PCYT1B: variants seen among roughly 807,000 people sequenced by gnomAD.
The protein encoded by PCYT1B is phosphate cytidylyltransferase 1B, choline, also known as choline-phosphate cytidylyltransferase B.
PCYT1B carries 10 observed loss-of-function variants against 26.4 expected under a neutral mutation model. The ratio of observed to expected loss-of-function variants is 0.38; its 90% confidence interval spans 0.23 to 0.64. The LOEUF is 0.64. Ranked by LOEUF, PCYT1B falls within the 30% of genes least tolerant of loss-of-function variation. The pLI is 0.56. For missense variants in PCYT1B, 161 were observed against 292.7 expected, an observed-to-expected ratio of 0.55 and a Z score of 3.28; for synonymous variants, 131 against 108.4, an observed-to-expected ratio of 1.21 and a Z score of -1.29.
chrX:24,606,839 T>A, intron 3 of PCYT1B, among the ~76,000 whole-genome samples: 1 of 106,209 alleles, frequency 9.4e-6, no homozygotes, highest in East Asian at 3.1e-4. Flanking sequence ...TGCACTCCAG[T>A]TGGGCGACAG....
rs1452172285 is a variant in PCYT1B at position 24,562,218 on chromosome X, C to T, written c.*75G>A. Reference sequence around the variant, plus strand: ...GCTCCTGTGACTATTACCCTTCAAACACCACCCAGGCAACCCTGTGACTCT... The same window carrying T: ...GCTCCTGTGACTATTACCCTTCAAATACCACCCAGGCAACCCTGTGACTCT... On this transcript the variant is annotated 3_prime_UTR_variant, in exon 8 of 8. Transcript: ENST00000379144. The T allele has an allele frequency of 1.7e-6, 2 of 1,181,112 alleles. No homozygotes were observed. The highest frequency in any genetic ancestry group is 2.3e-6 in the Non-Finnish European group (2 of 879,891).
chrX:24,646,871 G>T (rs1926644277), intron 1 of PCYT1B, 118 bp downstream of exon 1: 2 of 560,788 alleles, frequency 3.6e-6, no homozygotes, highest in South Asian at 2.8e-5. Context: ...AGGCGGTAGC[G>T]CTCTTCTCAT....
chrX:24,607,335 G>T (rs779045285), intron 3 of PCYT1B, among the ~76,000 whole-genome samples: 79 of 112,522 alleles, frequency 7.0e-4, no homozygotes, highest in Non-Finnish European at 1.3e-3. Flanking sequence ...AGAAATAGAC[G>T]ATGACCTTGT....
chrX:24,585,414 G>A (rs185920427), intron 5 of PCYT1B, among the ~76,000 whole-genome samples: 4 of 111,882 alleles, frequency 3.6e-5, no homozygotes, highest in Non-Finnish European at 5.6e-5. Context: ...ATTTCCTGGG[G>A]ACTCTCTAGA....
intron 1 of PCYT1B, among the ~76,000 whole-genome samples, chrX:24,659,971 G>A (rs978814757): frequency 1.6e-4 from 18 of 111,567 alleles, no homozygotes; most frequent in Admixed American, 1.3e-3. Context: ...TAATAAAGAC[G>A]CTTATCCACT....
intron 1 of PCYT1B, among the ~76,000 whole-genome samples, chrX:24,670,088 G>T (rs1205188308): frequency 2.2e-5 from 2 of 89,196 alleles, no homozygotes; most frequent in Non-Finnish European, 4.4e-5. Flanking sequence ...AAGAAAGAAA[G>T]AAAGAAAGAA....
In PCYT1B at chrX:24,561,406, G is replaced by C. The variant is rs1302918591; in HGVS notation, c.*887C>G. The C allele has an allele frequency of 8.9e-6, 1 of 112,276 alleles. No individual in the cohort carries two copies. The highest frequency in any genetic ancestry group is 1.9e-5 in the Non-Finnish European group (1 of 53,303). The allele number at this position is 112,276 out of a possible 1,213,427, so 9.3% of individuals were successfully genotyped here. A position where few individuals can be genotyped will look rare whatever the true frequency, so the allele number is the denominator to read the frequency against. On this transcript the variant is annotated 3_prime_UTR_variant, in exon 8 of 8. Coordinates refer to ENST00000379144, the MANE Select transcript of PCYT1B (RefSeq NM_004845.5). ...CTTGAGGTCTATGAAACTGTTAACT[G>C]GTCAGAAATGGGAAAAGCCATTCCA...
chrX:24,590,945 C>G (rs1047569446), intron 3 of PCYT1B, among the ~76,000 whole-genome samples: 4 of 109,867 alleles, frequency 3.6e-5, no homozygotes. Flanking sequence ...AGGCTCCTGC[C>G]ACCACCCAGG....
chrX:24,646,130 T>C (rs774035894), intron 1 of PCYT1B, among the ~76,000 whole-genome samples: 1 of 111,766 alleles, frequency 8.9e-6, no homozygotes, highest in South Asian at 3.8e-4. Flanking sequence ...TCCACAAGAC[T>C]TCGGACCACA....
intron 2 of PCYT1B, among the ~76,000 whole-genome samples, chrX:24,611,427 T>C (rs1213747055): frequency 9.0e-6 from 1 of 111,557 alleles, no homozygotes; most frequent in Non-Finnish European, 1.9e-5. Context: ...GAGATACCAC[T>C]GACCTGTGAA....
chrX:24,672,687 T>C (rs942653789), upstream of PCYT1B: 21 of 979,386 alleles, frequency 2.1e-5, no homozygotes, highest in East Asian at 6.2e-4. Context: ...TGGAGTTCTT[T>C]TGAGTCACAG....
At chrX:24,612,260 C>A (rs1254299534) in intron 2 of PCYT1B, among the ~76,000 whole-genome samples, 1 of 112,664 alleles carries the variant, frequency 8.9e-6, no homozygotes, top group Non-Finnish European at 1.9e-5. Flanking sequence ...CAGTTAACCT[C>A]CAGATGAGAA....
chrX:24,636,316 A>G (rs1926267989), intron 1 of PCYT1B, among the ~76,000 whole-genome samples: 1 of 112,767 alleles, frequency 8.9e-6, no homozygotes, highest in African/African-American at 3.2e-5. Context: ...AGACTTATAG[A>G]GAAGTACACA....
intron 1 of PCYT1B, among the ~76,000 whole-genome samples, chrX:24,630,012 T>C (rs1926016907): frequency 8.9e-6 from 1 of 111,833 alleles, no homozygotes; most frequent in Non-Finnish European, 1.9e-5. Context: ...GAAGTGCAAC[T>C]TACCATGAAT....
At position 24,559,470 on chromosome X, in the gene PCYT1B, AAAGT is replaced by A. The variant is rs1225012629; in HGVS notation, c.*2819_*2822del. The A allele has an allele frequency of 5.5e-5, 6 of 108,759 alleles. No individual in the cohort carries two copies. The highest frequency in any genetic ancestry group is 1.7e-4 in the African/African-American group (5 of 29,984). The allele number at this position is 108,759 out of a possible 1,213,427, so 9.0% of individuals were successfully genotyped here. A position where few individuals can be genotyped will look rare whatever the true frequency, so the allele number is the denominator to read the frequency against. Reference sequence around the variant, plus strand: ...GAGAGAGAGAGAAAGAAAGAGAAAGAAAGTAAAAGAAAGAAAGAAAGAAAAGCGG... The same window carrying A: ...GAGAGAGAGAGAAAGAAAGAGAAAGAAAAAGAAAGAAAGAAAGAAAAGCGG... On this transcript the variant is annotated 3_prime_UTR_variant, in exon 8 of 8. Transcript: ENST00000379144.
At chrX:24,617,705 C>G (rs947590835) in intron 2 of PCYT1B, among the ~76,000 whole-genome samples, 7 of 110,883 alleles carry the variant, frequency 6.3e-5, no homozygotes, top group Non-Finnish European at 1.1e-4. Context: ...GCCTCAGCCT[C>G]CCAAAGTGCT....
At chrX:24,670,148 G>A (rs777907452) in intron 1 of PCYT1B, among the ~76,000 whole-genome samples, 1 of 108,034 alleles carries the variant, frequency 9.3e-6, no homozygotes, top group Non-Finnish European at 1.9e-5. Context: ...AAGGAAGGAA[G>A]GAAGGAAATG....
intron 1 of PCYT1B, among the ~76,000 whole-genome samples, chrX:24,628,805 C>T (rs1156709076): frequency 8.9e-6 from 1 of 111,968 alleles, no homozygotes; most frequent in Non-Finnish European, 1.9e-5. Flanking sequence ...ATTATTTATA[C>T]TTTACTAATA....
chrX:24,599,858 A>ATATAGTATTTAGATGCATTATAGTATT (rs1346777756), intron 3 of PCYT1B, among the ~76,000 whole-genome samples: 2 of 112,034 alleles, frequency 1.8e-5, no homozygotes, highest in African/African-American at 6.5e-5. Flanking sequence ...TTAGATGCCA[A>ATATAGTATTTAGATGCATTATAGTATT]TAGATGCATT....
Sources: gnomAD v4.1 joint callset for allele counts (sites outside exome capture counted in the v4.1 genomes callset) on GRCh38, gnomAD v4.1.1 for gene constraint, MANE v1.5 for transcripts, NCBI Gene and HGNC (gene_info 2026-07-23, HGNC 2026-07-21) for gene names.